The following SMCO4 variants were observed in gnomAD, a reference collection of about 807,000 sequenced individuals.
SMCO4 encodes single-pass membrane protein with coiled-coil domains 4.
In SMCO4, 4 loss-of-function variants were observed where a neutral mutation model predicts 3.6. That is an observed-to-expected ratio of 1.11 (90% CI 0.54 to 2.53). The LOEUF (loss-of-function observed/expected upper bound fraction) is 2.53. Ranked by LOEUF, SMCO4 falls within the 30% of genes most tolerant of loss-of-function variation. The pLI, the probability that SMCO4 is intolerant of heterozygous loss-of-function variation, is 0.02. For synonymous variants in SMCO4, 36 were observed against 35.3 expected, an observed-to-expected ratio of 1.02 and a Z score of -0.07; for missense variants, 70 against 80.8, an observed-to-expected ratio of 0.87 and a Z score of 0.51.
At chr11:93,488,338 GA>G (rs1180053370) in intron 2 of SMCO4, among the ~76,000 whole-genome samples, 1 of 152,200 alleles carries the variant, frequency 6.6e-6, no homozygotes, top group African/African-American at 2.4e-5. Context: ...TGGGGCCACA[GA>G]AGGGTGCTGC....
intron 2 of SMCO4, among the ~76,000 whole-genome samples, chr11:93,486,414 G>A (rs1042711207): frequency 1.3e-5 from 2 of 152,214 alleles, no homozygotes; most frequent in African/African-American, 4.8e-5. Context: ...GGAAGCTGAG[G>A]ACACAGGGAA....
Position 93,478,983 on chromosome 11 carries a change from G to A in SMCO4, c.*27C>T, listed in dbSNP as rs929957773. The A allele has an allele frequency of 3.2e-5, 50 of 1,581,172 alleles. No homozygotes were observed. Among genetic ancestry groups the A allele is most frequent in the Middle Eastern group, 3.3e-4 (2 of 5,994 alleles). Reference sequence around the variant, plus strand: ...CCCTCCCGCGCCTCCTCTCCCTGCCGATGGGGTCCGCAGCCGGCTGCGGGG... The same window carrying A: ...CCCTCCCGCGCCTCCTCTCCCTGCCAATGGGGTCCGCAGCCGGCTGCGGGG... On this transcript the variant is annotated 3_prime_UTR_variant, in exon 3 of 3. Transcript: ENST00000298966.
chr11:93,536,377 A>G (rs1443194562), intron 1 of SMCO4, among the ~76,000 whole-genome samples: 1 of 152,236 alleles, frequency 6.6e-6, no homozygotes, highest in Non-Finnish European at 1.5e-5. Flanking sequence ...AGCAAAACTA[A>G]TGAGTTAGTT....
intron 1 of SMCO4, among the ~76,000 whole-genome samples, chr11:93,533,800 G>A (rs1486150416): frequency 2.6e-5 from 4 of 152,044 alleles, no homozygotes; most frequent in Admixed American, 2.0e-4. Flanking sequence ...CATCTGCCCC[G>A]ACAGCTACTA....
intron 2 of SMCO4, among the ~76,000 whole-genome samples, chr11:93,496,575 G>C (rs1229661519): frequency 6.6e-6 from 1 of 152,044 alleles, no homozygotes; most frequent in Non-Finnish European, 1.5e-5. Context: ...GCCAGCCTCA[G>C]AGGTGACCCC....
At chr11:93,542,917 C>G (rs998683254) in intron 1 of SMCO4, among the ~76,000 whole-genome samples, 1 of 152,156 alleles carries the variant, frequency 6.6e-6, no homozygotes. Context: ...TGCACTGCGT[C>G]CCCCGGCCCC....
At chr11:93,547,329 T>C (rs183688778), upstream of SMCO4, among the ~76,000 whole-genome samples, 2 of 152,276 alleles carry the variant, frequency 1.3e-5, no homozygotes, top group Non-Finnish European at 2.9e-5. Context: ...CCTCCAAACA[T>C]AATCATCAGG....
At chr11:93,493,596 G>C (rs937982697) in intron 2 of SMCO4, among the ~76,000 whole-genome samples, 11 of 152,122 alleles carry the variant, frequency 7.2e-5, no homozygotes, top group African/African-American at 2.7e-4. Context: ...TCCAGGGAAT[G>C]ATTTCACAGA....
intron 2 of SMCO4, among the ~76,000 whole-genome samples, chr11:93,487,994 G>A (rs1948670505): frequency 6.6e-6 from 1 of 152,244 alleles, no homozygotes; most frequent in Admixed American, 6.5e-5. Flanking sequence ...GTTGCCTTCA[G>A]GTAATGAAGC....
At chr11:93,514,422 A>ATATATATATATATATATATAT (rs1948990819) in intron 1 of SMCO4, among the ~76,000 whole-genome samples, 1 of 103,898 alleles carries the variant, frequency 9.6e-6, no homozygotes, top group Non-Finnish European at 2.0e-5. Flanking sequence ...ATATATATAT[A>ATATATATATATATATATATAT]AAATTTGGTC....
chr11:93,510,507 G>A (rs1948947215), intron 1 of SMCO4, among the ~76,000 whole-genome samples: 1 of 152,192 alleles, frequency 6.6e-6, no homozygotes, highest in Admixed American at 6.5e-5. Context: ...ACACTGCCAT[G>A]CCAGGGACCT....
At chr11:93,493,631 T>C (rs1321997326) in intron 2 of SMCO4, among the ~76,000 whole-genome samples, 1 of 152,206 alleles carries the variant, frequency 6.6e-6, no homozygotes, top group Non-Finnish European at 1.5e-5. Flanking sequence ...CTTAGTCCTC[T>C]AACTAGAATG....
chr11:93,483,609 C>T (rs1948616353), intron 2 of SMCO4, among the ~76,000 whole-genome samples: 1 of 152,212 alleles, frequency 6.6e-6, no homozygotes, highest in Admixed American at 6.5e-5. Context: ...GCCAGCTCTA[C>T]ACAGGTTCCT....
intron 1 of SMCO4, among the ~76,000 whole-genome samples, chr11:93,522,197 G>T (rs2248531): frequency 0.73 from 111,718 of 152,086 alleles, 41,547 homozygotes; most frequent in Middle Eastern, 0.79. Context: ...ATGTCCTCAG[G>T]GGCAGATGCA....
intron 2 of SMCO4, among the ~76,000 whole-genome samples, chr11:93,487,346 A>T (rs1414528258): frequency 2.6e-5 from 4 of 152,180 alleles, no homozygotes; most frequent in Non-Finnish European, 5.9e-5. Flanking sequence ...ACATGAACAA[A>T]CAATGACAGC....
chr11:93,512,384 C>T (rs1255286878), intron 1 of SMCO4, among the ~76,000 whole-genome samples: 1 of 152,156 alleles, frequency 6.6e-6, no homozygotes, highest in African/African-American at 2.4e-5. Flanking sequence ...ATAAGCATAC[C>T]TACTGCACTG....
At chr11:93,479,408 C>A (rs1387347153) in intron 2 of SMCO4, 139 bp from the exon 3 acceptor site, 1 of 805,356 alleles carries the variant, frequency 1.2e-6, no homozygotes, top group African/African-American at 1.7e-5. Context: ...ACACCAGGCT[C>A]TAAGTTCTCT....
chr11:93,535,898 T>C (rs1485544159), intron 1 of SMCO4: 8 of 1,596,330 alleles, frequency 5.0e-6, no homozygotes, highest in Non-Finnish European at 6.0e-6. Context: ...GCTAGGTTTC[T>C]GGTTCCCCCA....
intron 1 of SMCO4, among the ~76,000 whole-genome samples, chr11:93,520,981 A>G (rs1949052133): frequency 6.6e-6 from 1 of 152,176 alleles, no homozygotes; most frequent in African/African-American, 2.4e-5. Context: ...ACACAAAACC[A>G]CCAGTTTAAG....
Sources: gnomAD v4.1 joint callset for allele counts (sites outside exome capture counted in the v4.1 genomes callset) on GRCh38, gnomAD v4.1.1 for gene constraint, MANE v1.5 for transcripts, NCBI Gene and HGNC (gene_info 2026-07-23, HGNC 2026-07-21) for gene names.